Variants in SMG5 observed in about 807,000 individuals in gnomAD.
SMG5 encodes nonsense-mediated mRNA decay factor SMG5.
SMG5 carries 53 observed loss-of-function variants against 122.9 expected under a neutral mutation model. The observed-to-expected ratio is 0.43, with a 90% CI of 0.35 to 0.54. The LOEUF is 0.54. Among genes scored for constraint, SMG5 ranks in the 20% least tolerant of loss-of-function variants. The pLI, the probability that SMG5 is intolerant of heterozygous loss-of-function variation, is 0.01. For missense variants in SMG5, 1,153 were observed against 1,285.6 expected (o/e 0.90, Z 1.58); for synonymous variants, 477 against 490.2 (o/e 0.97, Z 0.35).
At position 156,274,446 on chromosome 1, in the gene SMG5, G is replaced by A. The variant is rs139592718; in HGVS notation, c.544+151C>T. The A allele has an allele frequency of 2.9e-4, 191 of 659,398 alleles. 1 individual carries two copies. The highest frequency in any genetic ancestry group is 1.6e-3 in the African/African-American group (89 of 55,960). 40.8% of individuals were successfully genotyped at this position (659,398 alleles called of 1,614,324 possible). On this transcript the variant is annotated intron_variant, in intron 5 of 21. Transcript: ENST00000361813. Reference sequence around the variant, plus strand: ...TCATGGAAGGGCAGTGAAAAGAAGGGATCACTGAAACAGATGGGAGGGAAA... The same window carrying A: ...TCATGGAAGGGCAGTGAAAAGAAGGAATCACTGAAACAGATGGGAGGGAAA...
chr1:156,282,896 A>G (rs1188436684), upstream of SMG5: 5 of 548,776 alleles, frequency 9.1e-6, no homozygotes, highest in African/African-American at 2.0e-5. Context: ...TGCTGCTACC[A>G]AATCTCGCGA....
At chr1:156,278,348 C>T (rs200827991) in intron 2 of SMG5, among the ~76,000 whole-genome samples, 20 of 151,544 alleles carry the variant, frequency 1.3e-4, no homozygotes, top group Non-Finnish European at 5.9e-5. Flanking sequence ...GCAGTATGGC[C>T]GACTCCCTTG....
chr1:156,271,007 CAA>C (rs1251121007), intron 7 of SMG5, among the ~76,000 whole-genome samples: 4 of 125,468 alleles, frequency 3.2e-5, no homozygotes, highest in Non-Finnish European at 3.4e-5. Context: ...AACTCCATCT[CAA>C]AAAAAAAAAA....
In SMG5 at chr1:156,250,131, C is replaced by CA; in HGVS notation, c.*455dup. ...GGGGAAGGGTCTGCAGAGAATCACT[C>CA]AGACACCAGGTATTACCCAGCTCTT... On this transcript the variant is annotated 3_prime_UTR_variant, in exon 22 of 22. Coordinates refer to ENST00000361813, the MANE Select transcript of SMG5 (RefSeq NM_015327.3). 5.5e-6 allele frequency: 2 copies of CA among 360,702 alleles called. No individual in the cohort carries two copies. Among genetic ancestry groups the CA allele is most frequent in the East Asian group, 7.4e-5 (1 of 13,488 alleles). The allele number at this position is 360,702 out of a possible 1,614,324, so 22.3% of individuals were successfully genotyped here. A position where few individuals can be genotyped will look rare whatever the true frequency, so the allele number is the denominator to read the frequency against.
At position 156,267,680 on chromosome 1, in the gene SMG5, TAC is replaced by T; in HGVS notation, c.909-4_909-3del. The T allele has an allele frequency of 6.2e-7, 1 of 1,605,352 alleles. No homozygotes were observed. Among genetic ancestry groups the T allele is most frequent in the South Asian group, 1.1e-5 (1 of 90,096 alleles). On this transcript the variant is annotated splice_region_variant and splice_polypyrimidine_tract_variant and intron_variant, in intron 9 of 21. Coordinates refer to ENST00000361813, the MANE Select transcript of SMG5 (RefSeq NM_015327.3). ...GAGGTCAGCTCTGAGTCCACGGAGC[TAC>T]AGAGGGGCAGGAGTAACAGGGGAGG...
At position 156,267,664 on chromosome 1, in the gene SMG5, T is replaced by G; in HGVS notation, c.923A>C (p.Glu308Ala). ...GACTGACTGGCAAAGTGAGGTCAGC[T>G]CTGAGTCCACGGAGCTACAGAGGGG... Reference protein sequence around the residue: ...LQPKSSSVDSELTSLCQSVLE... With the variant: ...LQPKSSSVDSALTSLCQSVLE... Residue 308 changes from glutamate (E) to alanine (A), a missense_variant, in exon 10 of 22, where the codon GAG (glutamate) becomes GCG (alanine). By Grantham distance (107) the Glu-to-Ala change is moderately radical. Coordinates refer to ENST00000361813, the MANE Select transcript of SMG5 (RefSeq NM_015327.3). 6.2e-7 allele frequency: 1 copy of G among 1,610,118 alleles called. No individual in the cohort carries two copies. The highest frequency in any genetic ancestry group is 8.5e-7 in the Non-Finnish European group (1 of 1,178,760).
In SMG5 at chr1:156,265,987, T is replaced by C; in HGVS notation, c.1649A>G (p.Asp550Gly). The change falls in exon 12 of 22, where the codon GAT becomes GGT. Residue 550 changes from aspartate (D) to glycine (G), a missense_variant. By Grantham distance (94) the Asp-to-Gly change is moderately conservative. Around this residue, in one of 5 missense-constraint regions of SMG5, gnomAD observed 631 missense variants for 650.6 expected, o/e 0.97. Transcript: ENST00000361813. ...EPPRGRSEAP[D>G]SLNGPLGPSE... ...GGGGCCCAGTGGGCCATTGAGGGAATCGGGAGCCTCTGATCTGCCCCGAGG... is the reference window on the plus strand; with the variant it reads ...GGGGCCCAGTGGGCCATTGAGGGAACCGGGAGCCTCTGATCTGCCCCGAGG... 1 of 1,614,166 alleles carries C rather than the reference T, an allele frequency of 6.2e-7. No individual in the cohort carries two copies. The highest frequency in any genetic ancestry group is 8.5e-7 in the Non-Finnish European group (1 of 1,180,018).
intron 15 of SMG5, 34 bp downstream of exon 15, chr1:156,260,413 GACAA>G: frequency 6.3e-7 from 1 of 1,583,098 alleles, no homozygotes; most frequent in Non-Finnish European, 8.6e-7. Context: ...GTTTGTGACT[GACAA>G]ACAGAGCTGT....
At position 156,263,448 on chromosome 1, in the gene SMG5, C is replaced by T; in HGVS notation, c.1978G>A (p.Val660Ile). ...MAEGLLPAVK[V>I]FLDWLRTNPD... The stretch of plus-strand genomic sequence containing the variant: ...TTGGTCCGAAGCCAGTCCAGGAAGA[C>T]TTTCACAGCAGGAAGCAGACCTTCG... Residue 660 changes from valine to isoleucine, a missense_variant, in exon 13 of 22, where the codon GTC (valine) becomes ATC (isoleucine). By Grantham distance (29) the Val-to-Ile change is conservative (BLOSUM62 3). This residue lies in a region of SMG5 where 631 missense variants were observed against 650.6 expected (regional missense o/e 0.97). Coordinates refer to ENST00000361813, the MANE Select transcript of SMG5 (RefSeq NM_015327.3). 3 of 1,614,248 alleles carry T rather than the reference C, an allele frequency of 1.9e-6. No individual in the cohort carries two copies. In the South Asian group the frequency reaches 3.3e-5, roughly 18 times the overall value.
intron 19 of SMG5, 100 bp downstream of exon 19, chr1:156,252,314 G>C (rs1017558678): frequency 5.9e-6 from 6 of 1,018,676 alleles, no homozygotes; most frequent in Admixed American, 1.9e-5. Flanking sequence ...AGACGGGTAT[G>C]TATGTGTCTT....
At chr1:156,272,799 C>T (rs940648883) in intron 6 of SMG5, among the ~76,000 whole-genome samples, 3 of 152,018 alleles carry the variant, frequency 2.0e-5, no homozygotes, top group Admixed American at 6.6e-5. Flanking sequence ...CTCCTGACGT[C>T]GTGATCTGCC....
chr1:156,252,721 T>A (rs116084482), intron 18 of SMG5, among the ~76,000 whole-genome samples, 198 bp downstream of exon 18: 1 of 152,208 alleles, frequency 6.6e-6, no homozygotes, highest in Non-Finnish European at 1.5e-5. Flanking sequence ...TCACTTACAT[T>A]TTCTGTTTCT....
chr1:156,278,164 AAG>A, intron 2 of SMG5, 116 bp from the exon 3 acceptor site: 3 of 1,354,304 alleles, frequency 2.2e-6, no homozygotes, highest in Non-Finnish European at 2.0e-6. Context: ...GGTGCTTCCC[AAG>A]AGACATGCAG....
In SMG5 at chr1:156,253,475, T is replaced by C. The variant is rs1558232265; in HGVS notation, c.2476A>G (p.Arg826Gly). 2.5e-6 allele frequency: 4 copies of C among 1,614,042 alleles called. No individual in the cohort carries two copies. The highest frequency in any genetic ancestry group is 3.4e-6 in the Non-Finnish European group (4 of 1,179,996). Residue 826 changes from arginine to glycine, a missense_variant, in exon 17 of 22, where the codon AGA becomes GGA. Coordinates refer to ENST00000361813, the MANE Select transcript of SMG5 (RefSeq NM_015327.3). ...TGAAGTCGTAGCTGAGCCATGTCTC[T>C]CATGAGCCTGTTCCGACGAGCTTCC... is the stretch of plus-strand genomic sequence containing the variant. ...QEEARRNRLM[R>G]DMAQLRLQLE...
At position 156,267,592 on chromosome 1, in the gene SMG5, T is replaced by C. The variant is rs765707143; in HGVS notation, c.995A>G (p.Asn332Ser). 1.1e-5 allele frequency: 17 copies of C among 1,613,340 alleles called. No individual in the cohort carries two copies. The highest frequency in any genetic ancestry group is 1.4e-5 in the Non-Finnish European group (16 of 1,179,812). Residue 332 changes from asparagine to serine, a missense_variant, in exon 10 of 22, where the codon AAC (asparagine) becomes AGC (serine). Coordinates refer to ENST00000361813, the MANE Select transcript of SMG5 (RefSeq NM_015327.3). The part of the protein sequence containing the change: ...LCLFYLPSSP[N>S]LSLASEDEEE... ...CTCATCCTCACTGGCCAGGCTGAGG[T>C]TGGGTGAGGAGGGCAGGTAGAAGAG...
chr1:156,272,294 TGGAAAAAGAGCTGGCA>T lies in SMG5; in HGVS notation c.713+10_713+25del. ...AATAATATGCACACAAAAGCAGGGC[TGGAAAAAGAGCTGGCA>T]AATACTCACCAGCGCAGGTAGCAAT... On this transcript the variant is annotated intron_variant, in intron 7 of 21. Coordinates refer to ENST00000361813, the MANE Select transcript of SMG5 (RefSeq NM_015327.3). 7 of 1,571,844 alleles carry T rather than the reference TGGAAAAAGAGCTGGCA, an allele frequency of 4.5e-6. No individual in the cohort carries two copies. The highest frequency in any genetic ancestry group is 6.1e-6 in the Non-Finnish European group (7 of 1,154,126).
In SMG5 at chr1:156,279,045, A is replaced by C; in HGVS notation, c.75-11T>G. ...GCCTCCACCACAGCCCTGTAGGGAAATACAGGCAAATATCCCCTCAGCCAT... is the reference window on the plus strand; with the variant it reads ...GCCTCCACCACAGCCCTGTAGGGAACTACAGGCAAATATCCCCTCAGCCAT... On this transcript the variant is annotated splice_polypyrimidine_tract_variant and intron_variant, in intron 1 of 21. Coordinates refer to ENST00000361813, the MANE Select transcript of SMG5 (RefSeq NM_015327.3). 1 of 1,608,404 alleles carries C rather than the reference A, an allele frequency of 6.2e-7. No homozygotes were observed.
Position 156,273,401 on chromosome 1 carries a change from C to A in SMG5, c.594G>T (p.Glu198Asp). The A allele has an allele frequency of 6.2e-7, 1 of 1,614,052 alleles. No homozygotes were observed. The highest frequency in any genetic ancestry group is 1.1e-5 in the South Asian group (1 of 91,080). Residue 198 changes from glutamate to aspartate, a missense_variant, in exon 6 of 22, where the codon GAG becomes GAT. By Grantham distance (45) the Glu-to-Asp change is conservative (BLOSUM62 2). Around this residue, in one of 5 missense-constraint regions of SMG5, gnomAD observed 85 missense variants for 127.3 expected, o/e 0.67. Transcript: ENST00000361813. ...LAGVDTELLA[E>D]RFYYQALSVA... ...CTGACAGGGCTTGGTAGTAAAATCT[C>A]TCGGCTAGCAGCTCGGTATCTACGC...
Position 156,261,416 on chromosome 1 carries a change from G to A in SMG5, c.2032-8C>T. ...CCACAGACTTTGAGAGCTCTGGGGA[G>A]AGAGAAGGGAGAGGAGGCCTTCAGC... is the stretch of plus-strand genomic sequence containing the variant. On this transcript the variant is annotated splice_region_variant and splice_polypyrimidine_tract_variant and intron_variant, in intron 13 of 21. Transcript: ENST00000361813. The A allele has an allele frequency of 6.2e-7, 1 of 1,613,134 alleles. No individual in the cohort carries two copies. Among genetic ancestry groups the A allele is most frequent in the Non-Finnish European group, 8.5e-7 (1 of 1,179,068 alleles).
Sources: gnomAD v4.1 joint callset for allele counts (sites outside exome capture counted in the v4.1 genomes callset) on GRCh38, gnomAD v4.1.1 for gene constraint, gnomAD v4.1.1 regional missense constraint, MANE v1.5 for transcripts, NCBI Gene and HGNC (gene_info 2026-07-23, HGNC 2026-07-21) for gene names.